Variants in SCHIP1 observed in about 807,000 individuals in gnomAD.
SCHIP1 encodes the protein schwannomin interacting protein 1, also known as schwannomin-interacting protein 1.
Under a neutral mutation model 29.7 loss-of-function variants are expected in SCHIP1, and 8 were observed. The observed-to-expected ratio is 0.27, with a 90% CI of 0.16 to 0.49. The LOEUF is 0.49. SCHIP1 is among the 20% of genes least tolerant of loss of function. The pLI is 0.99. For missense variants in SCHIP1, 193 were observed against 294.6 expected (o/e 0.66, Z 2.52); for synonymous variants, 76 against 94.9 (o/e 0.80, Z 1.16).
At chr3:159,838,724 A>T (rs1042921944), upstream of SCHIP1, among the ~76,000 whole-genome samples, 9 of 146,044 alleles carry the variant, frequency 6.2e-5, no homozygotes, top group African/African-American at 2.3e-4. Flanking sequence ...CCCCGTCTCT[A>T]CCAAAAAAAA....
At chr3:159,659,023 CT>C in the SCHIP1 span, among the ~76,000 whole-genome samples, 90 of 152,300 alleles carry the variant, frequency 5.9e-4, no homozygotes, top group South Asian at 0.016. Flanking sequence ...GCCTCTCTCA[CT>C]TAATGAATAT....
the SCHIP1 span, among the ~76,000 whole-genome samples, chr3:159,799,720 C>A: frequency 1.3e-5 from 2 of 152,158 alleles, no homozygotes; most frequent in Non-Finnish European, 2.9e-5. Flanking sequence ...CAAGAGAGAG[C>A]CTGGCACACA....
the SCHIP1 span, among the ~76,000 whole-genome samples, chr3:159,317,743 G>A: frequency 4.6e-5 from 7 of 152,182 alleles, no homozygotes; most frequent in African/African-American, 1.7e-4. Flanking sequence ...GAGTGCCTTG[G>A]TCAGAGACAA....
At chr3:159,468,810 T>C in the SCHIP1 span, among the ~76,000 whole-genome samples, 1 of 148,156 alleles carries the variant, frequency 6.7e-6, no homozygotes, top group Non-Finnish European at 1.5e-5. Flanking sequence ...TCTGTTGCCC[T>C]GGCTGGAGCA....
chr3:159,309,734 A>G, the SCHIP1 span, among the ~76,000 whole-genome samples: 4 of 152,190 alleles, frequency 2.6e-5, no homozygotes, highest in African/African-American at 9.6e-5. Flanking sequence ...GCAAACAACC[A>G]GTAACTTCTT....
chr3:159,874,388 C>G (rs1205773406), intron 2 of SCHIP1, among the ~76,000 whole-genome samples: 1 of 152,180 alleles, frequency 6.6e-6, no homozygotes, highest in Non-Finnish European at 1.5e-5. Flanking sequence ...TCCAACATCA[C>G]CCAATCAAAA....
the SCHIP1 span, among the ~76,000 whole-genome samples, chr3:159,805,635 G>A: frequency 5.9e-5 from 9 of 151,916 alleles, no homozygotes; most frequent in African/African-American, 2.2e-4. Context: ...GCTTTTTGAG[G>A]GTGGGGCCTA....
the SCHIP1 span, among the ~76,000 whole-genome samples, chr3:159,331,381 G>A: frequency 6.6e-6 from 1 of 152,136 alleles, no homozygotes; most frequent in African/African-American, 2.4e-5. Flanking sequence ...CCACAAAAAG[G>A]AGCAAAAGCC....
the SCHIP1 span, among the ~76,000 whole-genome samples, chr3:159,594,197 T>C: frequency 5.3e-5 from 8 of 152,322 alleles, no homozygotes; most frequent in East Asian, 5.8e-4. Flanking sequence ...GCGGAAGAAA[T>C]GGCAACTTGG....
chr3:159,491,255 G>A, the SCHIP1 span, among the ~76,000 whole-genome samples: 1 of 152,202 alleles, frequency 6.6e-6, no homozygotes, highest in African/African-American at 2.4e-5. Context: ...TGGACAGCGG[G>A]TGAAGGACAG....
the SCHIP1 span, among the ~76,000 whole-genome samples, chr3:159,408,414 CA>C: frequency 7.8e-5 from 11 of 140,162 alleles, no homozygotes; most frequent in African/African-American, 2.9e-4. Flanking sequence ...AAAAAAAGGA[CA>C]AAACCTTAGC....
At chr3:159,295,526 C>A in the SCHIP1 span, among the ~76,000 whole-genome samples, 5 of 152,154 alleles carry the variant, frequency 3.3e-5, no homozygotes, top group Non-Finnish European at 7.4e-5. Flanking sequence ...CCCTCACATT[C>A]TTCCTCAGGC....
At chr3:159,465,348 C>CGT in the SCHIP1 span, among the ~76,000 whole-genome samples, 589 of 145,296 alleles carry the variant, frequency 4.1e-3, 6 homozygotes, top group African/African-American at 0.014. Flanking sequence ...TGTTTGTGTG[C>CGT]GTGTGTGTGT....
chr3:159,280,577 G>C, the SCHIP1 span, among the ~76,000 whole-genome samples: 1,786 of 152,246 alleles, frequency 0.012, 13 homozygotes, highest in Middle Eastern at 0.034. Context: ...ACAAGATCGT[G>C]CTTCGAGATA....
chr3:159,536,901 C>G, the SCHIP1 span, among the ~76,000 whole-genome samples: 1 of 152,274 alleles, frequency 6.6e-6, no homozygotes, highest in East Asian at 1.9e-4. Flanking sequence ...TCATCTAGCT[C>G]TTGAGGTTAT....
the SCHIP1 span, among the ~76,000 whole-genome samples, chr3:159,554,611 C>G: frequency 8.5e-5 from 13 of 152,248 alleles, no homozygotes; most frequent in South Asian, 2.3e-3. Context: ...TTTCTATCAA[C>G]AGCTTCTTCC....
At chr3:159,828,374 T>TATATACAC in the SCHIP1 span, among the ~76,000 whole-genome samples, 5,142 of 94,684 alleles carry the variant, frequency 0.054, 726 homozygotes, top group African/African-American at 0.22. Flanking sequence ...TATATATATA[T>TATATACAC]ACATATATAT....
chr3:159,637,792 T>TA, the SCHIP1 span, among the ~76,000 whole-genome samples: 5 of 152,206 alleles, frequency 3.3e-5, no homozygotes, highest in African/African-American at 1.2e-4. Flanking sequence ...GGATTAGCTA[T>TA]AAAAATGCTT....
At chr3:159,404,317 G>T in the SCHIP1 span, among the ~76,000 whole-genome samples, 2 of 152,126 alleles carry the variant, frequency 1.3e-5, no homozygotes, top group African/African-American at 4.8e-5. Context: ...TGGGGTAGAG[G>T]ACCAAGTGGA....
Sources: allele counts gnomAD v4.1 joint callset (sites outside exome capture counted in the v4.1 genomes callset), GRCh38; gene constraint gnomAD v4.1.1; transcripts MANE v1.5; gene names NCBI Gene and HGNC (gene_info 2026-07-23, HGNC 2026-07-21).